The following PLXNA4 variants were observed in gnomAD, a reference collection of about 807,000 sequenced individuals.
PLXNA4 encodes the protein plexin-A4.
A neutral mutation model predicts 191.8 loss-of-function variants in PLXNA4; 44 were observed. That is an observed-to-expected ratio of 0.23 (90% CI 0.18 to 0.29). The LOEUF is 0.29. PLXNA4 is among the 10% of genes least tolerant of loss of function. The pLI is 1.00. For missense variants in PLXNA4, 1,800 were observed against 2,488.8 expected (o/e 0.72, Z 5.89); for synonymous variants, 1,082 against 1,009.5 (o/e 1.07, Z -1.36).
At chr7:132,520,299 C>T (rs1269544809) in intron 1 of PLXNA4, among the ~76,000 whole-genome samples, 1 of 152,196 alleles carries the variant, frequency 6.6e-6, no homozygotes, top group Non-Finnish European at 1.5e-5. Context: ...TATTTTCTCC[C>T]TTAGATAAAA....
intron 4 of PLXNA4, among the ~76,000 whole-genome samples, chr7:132,264,691 T>A (rs1421293499): frequency 6.6e-6 from 1 of 151,548 alleles, no homozygotes; most frequent in Non-Finnish European, 1.5e-5. Context: ...CCGCTTTTTT[T>A]TTTTTTTTTT....
intron 4 of PLXNA4, among the ~76,000 whole-genome samples, chr7:132,242,318 G>A (rs1031592059): frequency 6.6e-6 from 1 of 152,040 alleles, no homozygotes; most frequent in African/African-American, 2.4e-5. Context: ...AAACTGTGCT[G>A]ACCTGGCTGA....
chr7:132,286,288 C>G (rs1800680197), intron 4 of PLXNA4, among the ~76,000 whole-genome samples: 1 of 152,168 alleles, frequency 6.6e-6, no homozygotes, highest in Admixed American at 6.5e-5. Flanking sequence ...GGGACAGGAG[C>G]TGGAAGCTAG....
chr7:132,228,409 C>T lies in PLXNA4; in HGVS notation c.1665G>A (p.Met555Ile), dbSNP rs2060004223. Residue 555 changes from methionine to isoleucine, a missense_variant, in exon 6 of 32, where the codon ATG (methionine) becomes ATA (isoleucine). Met to Ile is a conservative substitution (Grantham distance 10, BLOSUM62 1). Around this residue, in one of 6 missense-constraint regions of PLXNA4, gnomAD observed 1,397 missense variants for 1,880.4 expected, o/e 0.74. Coordinates refer to ENST00000321063, the MANE Select transcript of PLXNA4 (RefSeq NM_020911.2). ...GGACCGTCAGCCGGACACACTGCTT[C>T]ATCTCCGAGGCAAACCTGCGGGGCT... ...SKEPRRFASE[M>I]KQCVRLTVHP... 1 of 1,614,192 alleles carries T rather than the reference C, an allele frequency of 6.2e-7. No homozygotes were observed. The highest frequency in any genetic ancestry group is 1.1e-5 in the South Asian group (1 of 91,080).
intron 3 of PLXNA4, among the ~76,000 whole-genome samples, chr7:132,483,108 T>A (rs1303728424): frequency 1.3e-5 from 2 of 152,140 alleles, no homozygotes; most frequent in Non-Finnish European, 2.9e-5. Context: ...CCCAGGAAGT[T>A]CCCTAAGAAC....
At chr7:132,491,881 G>A (rs1797821258) in intron 2 of PLXNA4, among the ~76,000 whole-genome samples, 1 of 152,164 alleles carries the variant, frequency 6.6e-6, no homozygotes, top group South Asian at 2.1e-4. Flanking sequence ...GGGAGGAGTA[G>A]AAGAAAGGAA....
intron 2 of PLXNA4, among the ~76,000 whole-genome samples, chr7:132,607,048 C>A (rs1029246214): frequency 6.6e-6 from 1 of 152,050 alleles, no homozygotes; most frequent in Non-Finnish European, 1.5e-5. Flanking sequence ...TCTAAATCAC[C>A]AAATCAAAAG....
At chr7:132,222,286 T>C (rs1450879) in intron 9 of PLXNA4, among the ~76,000 whole-genome samples, 93,739 of 152,144 alleles carry the variant, frequency 0.62, 29,261 homozygotes, top group South Asian at 0.79. Flanking sequence ...CACCGTGCTA[T>C]GGGAGCCCCC....
At chr7:132,592,930 T>G (rs768508170) in intron 2 of PLXNA4, among the ~76,000 whole-genome samples, 3 of 152,020 alleles carry the variant, frequency 2.0e-5, no homozygotes, top group Non-Finnish European at 4.4e-5. Flanking sequence ...CTTGATGTTA[T>G]TTTTCCAAAT....
intron 3 of PLXNA4, among the ~76,000 whole-genome samples, chr7:132,474,101 G>A (rs963636447): frequency 6.6e-6 from 1 of 151,870 alleles, no homozygotes; most frequent in African/African-American, 2.4e-5. Flanking sequence ...CCTAGAAGGC[G>A]GCATTAGGGC....
intron 3 of PLXNA4, among the ~76,000 whole-genome samples, chr7:132,435,643 T>C (rs1398393618): frequency 2.6e-5 from 4 of 152,166 alleles, no homozygotes; most frequent in African/African-American, 9.7e-5. Context: ...TCTGTGGATG[T>C]TTGCTGGGGC....
chr7:132,168,259 G>C, intron 22 of PLXNA4, 45 bp downstream of exon 22: 1 of 1,481,950 alleles, frequency 6.7e-7, no homozygotes, highest in Non-Finnish European at 9.0e-7. Context: ...GGTGAGCCAG[G>C]TGCATGGCTA....
chr7:132,164,087 C>A, intron 24 of PLXNA4, 55 bp downstream of exon 24: 1 of 1,608,470 alleles, frequency 6.2e-7, no homozygotes, highest in Non-Finnish European at 8.5e-7. Context: ...GCAGGGCTAC[C>A]CAGGATGGAA....
At chr7:132,615,202 C>G (rs1291322363) in intron 2 of PLXNA4, among the ~76,000 whole-genome samples, 1 of 152,048 alleles carries the variant, frequency 6.6e-6, no homozygotes, top group Non-Finnish European at 1.5e-5. Context: ...CTTTGGTTAC[C>G]GGTGGAGCGG....
chr7:132,135,854 T>A (rs1795096345), intron 30 of PLXNA4, among the ~76,000 whole-genome samples: 1 of 152,086 alleles, frequency 6.6e-6, no homozygotes. Flanking sequence ...CCTGTTCCCT[T>A]TGCACTGGGG....
chr7:132,354,830 C>A (rs1478489195), intron 3 of PLXNA4, among the ~76,000 whole-genome samples: 1 of 152,186 alleles, frequency 6.6e-6, no homozygotes, highest in Admixed American at 6.5e-5. Context: ...CTGACAGCCA[C>A]AGGAAAATGT....
In PLXNA4 at chr7:132,496,357, A is replaced by C. The variant is rs1001840936; in HGVS notation, c.1189-6883T>G. On this transcript the variant is annotated intron_variant, in intron 2 of 31. Coordinates refer to ENST00000321063, the MANE Select transcript of PLXNA4 (RefSeq NM_020911.2). ...AGTTGCTGAGAAAATAGGTACCAAA[A>C]CCCCAAATTCCTGGTGACAGAAAAA... Among the ~76,000 whole-genome samples the C allele has an allele frequency of 5.3e-5, 8 of 152,142 alleles. No homozygotes were observed. In the East Asian group the frequency reaches 1.5e-3, roughly 29 times the overall value.
chr7:132,624,837 C>T (rs994637716), intron 2 of PLXNA4, among the ~76,000 whole-genome samples: 2 of 152,168 alleles, frequency 1.3e-5, no homozygotes, highest in South Asian at 2.1e-4. Context: ...AGCTCACCTA[C>T]CTCTAAGTCA....
chr7:132,210,855 G>T, intron 10 of PLXNA4, 88 bp downstream of exon 10: 1 of 1,436,402 alleles, frequency 7.0e-7, no homozygotes, highest in Non-Finnish European at 9.6e-7. Context: ...ACGACTGCAG[G>T]GCTGAGCTGA....
Sources: gnomAD v4.1 joint callset for allele counts (sites outside exome capture counted in the v4.1 genomes callset) on GRCh38, gnomAD v4.1.1 for gene constraint, gnomAD v4.1.1 regional missense constraint, MANE v1.5 for transcripts, NCBI Gene and HGNC (gene_info 2026-07-23, HGNC 2026-07-21) for gene names.